The following PPP1R12A variants were observed in gnomAD, a reference collection of about 807,000 sequenced individuals.
PPP1R12A encodes the protein protein phosphatase 1 regulatory subunit 12A, also known as myosin binding subunit.
A neutral mutation model predicts 139.6 loss-of-function variants in PPP1R12A; 19 were observed. The ratio of observed to expected loss-of-function variants is 0.14; its 90% CI spans 0.09 to 0.20. The LOEUF (loss-of-function observed/expected upper bound fraction) is 0.20. PPP1R12A is among the 10% of genes least tolerant of loss of function. The probability of loss-of-function intolerance (pLI) is 1.00; values close to 1 mark genes in which losing one functional copy is unlikely to be tolerated. For synonymous variants in PPP1R12A, 427 were observed against 420.6 expected (o/e 1.02, Z -0.19); for missense variants, 925 against 1,211.5 (o/e 0.76, Z 3.51).
intron 3 of PPP1R12A, among the ~76,000 whole-genome samples, chr12:79,834,749 T>A (rs896848858): frequency 6.6e-6 from 1 of 152,198 alleles, no homozygotes; most frequent in Admixed American, 6.5e-5. Flanking sequence ...AATAAAATAA[T>A]ATGCCATGGG....
intron 1 of PPP1R12A, among the ~76,000 whole-genome samples, chr12:79,912,720 A>C (rs74523980): frequency 6.6e-6 from 1 of 152,028 alleles, no homozygotes; most frequent in Admixed American, 6.6e-5. Context: ...AAGAAATAAA[A>C]TTAATGAATC....
At chr12:79,777,320 T>G (rs1869856772) in intron 24 of PPP1R12A, 2 of 981,098 alleles carry the variant, frequency 2.0e-6, no homozygotes, top group Non-Finnish European at 2.4e-6. Context: ...AAATCATCCC[T>G]AATTTTAATG....
chr12:79,794,228 G>A (rs779203082), intron 18 of PPP1R12A, among the ~76,000 whole-genome samples: 6 of 151,784 alleles, frequency 4.0e-5, no homozygotes, highest in Admixed American at 1.3e-4. Context: ...ACTATTTTCC[G>A]ATTTCCCCAT....
At chr12:79,804,907 A>G (rs1211875653) in intron 14 of PPP1R12A, among the ~76,000 whole-genome samples, 2 of 152,212 alleles carry the variant, frequency 1.3e-5, no homozygotes, top group African/African-American at 2.4e-5. Flanking sequence ...AAAGCAAGGA[A>G]ATCCCAAAAG....
chr12:79,822,259 C>A, intron 5 of PPP1R12A, 69 bp from the exon 6 acceptor site: 1 of 1,102,874 alleles, frequency 9.1e-7, no homozygotes, highest in Non-Finnish European at 1.3e-6. Context: ...TTCAGTAATT[C>A]TGTATAATTT....
intron 3 of PPP1R12A, among the ~76,000 whole-genome samples, chr12:79,836,445 T>TA (rs1302805146): frequency 2.6e-5 from 4 of 151,874 alleles, no homozygotes; most frequent in Non-Finnish European, 5.9e-5. Context: ...AACTTCAAGT[T>TA]AAAAAAAACC....
At chr12:79,799,380 C>T (rs1008574084) in intron 14 of PPP1R12A, among the ~76,000 whole-genome samples, 1 of 152,106 alleles carries the variant, frequency 6.6e-6, no homozygotes, top group African/African-American at 2.4e-5. Flanking sequence ...GAACTCCTGA[C>T]CTCAAGTGAT....
rs1875547379 is a variant in PPP1R12A, at chr12:79,817,446, G to A, written c.1187C>T (p.Thr396Ile). 6.2e-7 allele frequency: 1 copy of A among 1,611,136 alleles called. No individual in the cohort carries two copies. The highest frequency in any genetic ancestry group is 8.5e-7 in the Non-Finnish European group (1 of 1,178,224). ...TTGACCTGATGACACAGTAGGTGTT[G>A]TAACAGCTACAGGAGCTGCTTGTGT... ...SSTQAAPVAV[T>I]TPTVSSGQAT... Residue 396 changes from threonine to isoleucine, a missense_variant, in exon 9 of 25, where the codon ACA (threonine) becomes ATA (isoleucine). Thr to Ile is a moderately conservative substitution (Grantham distance 89). Around this residue, in one of 4 missense-constraint regions of PPP1R12A, gnomAD observed 403 missense variants for 463.7 expected, o/e 0.87. Transcript: ENST00000450142.
At chr12:79,852,886 T>G (rs748972375) in intron 2 of PPP1R12A, among the ~76,000 whole-genome samples, 22 of 152,222 alleles carry the variant, frequency 1.4e-4, no homozygotes, top group Non-Finnish European at 1.5e-5. Flanking sequence ...CCAATAGGAC[T>G]CCTCTGATGC....
chr12:79,861,166 T>C (rs1291712459), intron 2 of PPP1R12A, among the ~76,000 whole-genome samples: 1 of 152,170 alleles, frequency 6.6e-6, no homozygotes, highest in African/African-American at 2.4e-5. Context: ...TGGAAAATCT[T>C]GCAATACCAA....
chr12:79,913,608 C>G lies in PPP1R12A; in HGVS notation c.237+21087G>C, dbSNP rs79187501. On this transcript the variant is annotated intron_variant, in intron 1 of 24. Coordinates refer to ENST00000450142, the MANE Select transcript of PPP1R12A (RefSeq NM_002480.3). ...TATAAGTCTTAATGTCCATCAGAGTCGGTCAGTCCTCTCACTTTCTTGTTC... is the reference window on the plus strand; with the variant it reads ...TATAAGTCTTAATGTCCATCAGAGTGGGTCAGTCCTCTCACTTTCTTGTTC... Among the ~76,000 whole-genome samples, 1,424 of 152,276 alleles carry G rather than the reference C, an allele frequency of 9.4e-3. 16 individuals carry two copies. Among genetic ancestry groups the G allele is most frequent in the Non-Finnish European group, 0.017 (1,147 of 68,004 alleles).
At chr12:79,831,884 G>C (rs536022901) in intron 4 of PPP1R12A, among the ~76,000 whole-genome samples, 2 of 152,132 alleles carry the variant, frequency 1.3e-5, no homozygotes, top group African/African-American at 2.4e-5. Flanking sequence ...CTAAGTTCCA[G>C]TGTTCATGTA....
intron 4 of PPP1R12A, among the ~76,000 whole-genome samples, chr12:79,831,053 T>A (rs1877354939): frequency 1.3e-5 from 2 of 152,166 alleles, no homozygotes; most frequent in Admixed American, 1.3e-4. Flanking sequence ...GAAACTATTT[T>A]GCAATATAAC....
chr12:79,869,266 C>T (rs1328180318), intron 2 of PPP1R12A, among the ~76,000 whole-genome samples: 1 of 152,166 alleles, frequency 6.6e-6, no homozygotes, highest in African/African-American at 2.4e-5. Flanking sequence ...TGTTAAATGC[C>T]TAGAAATGAT....
At position 79,922,282 on chromosome 12, in the gene PPP1R12A, A is replaced by G. The variant is rs1887498782; in HGVS notation, c.237+12413T>C. Reference sequence around the variant, plus strand: ...ATCTCAAAACAAAACAAAAAAAACAATAAATAAAACAAAAATCTGCCTGTG... The same window carrying G: ...ATCTCAAAACAAAACAAAAAAAACAGTAAATAAAACAAAAATCTGCCTGTG... On this transcript the variant is annotated intron_variant, in intron 1 of 24. Coordinates refer to ENST00000450142, the MANE Select transcript of PPP1R12A (RefSeq NM_002480.3). Among the ~76,000 whole-genome samples the G allele has an allele frequency of 2.0e-5, 3 of 152,178 alleles. No homozygotes were observed. The South Asian group carries it at 6.2e-4, about 31-fold the overall frequency.
chr12:79,853,089 T>C (rs1263863718), intron 2 of PPP1R12A, among the ~76,000 whole-genome samples: 1 of 152,224 alleles, frequency 6.6e-6, no homozygotes, highest in Non-Finnish European at 1.5e-5. Flanking sequence ...GGGTGCCTCA[T>C]AACAGCTTGG....
chr12:79,933,076 C>T (rs386471444), intron 1 of PPP1R12A, among the ~76,000 whole-genome samples: 87 of 152,214 alleles, frequency 5.7e-4, no homozygotes, highest in Non-Finnish European at 1.1e-3. Context: ...TTCTCAACAC[C>T]ATGGTTTTAA....
chr12:79,852,830 G>A (rs150986047), intron 2 of PPP1R12A, among the ~76,000 whole-genome samples: 89 of 152,306 alleles, frequency 5.8e-4, no homozygotes, highest in African/African-American at 2.0e-3. Flanking sequence ...TGCATAGGTA[G>A]AGAAAGGCTT....
At chr12:79,806,683 AT>A in intron 12 of PPP1R12A, 1 of 187,776 alleles carries the variant, frequency 5.3e-6, no homozygotes, top group Non-Finnish European at 1.1e-5. Flanking sequence ...AGACGTTGAC[AT>A]TTTTTTGAAG....
Sources: gnomAD v4.1 joint callset for allele counts (sites outside exome capture counted in the v4.1 genomes callset) on GRCh38, gnomAD v4.1.1 for gene constraint, gnomAD v4.1.1 regional missense constraint, MANE v1.5 for transcripts, NCBI Gene and HGNC (gene_info 2026-07-23, HGNC 2026-07-21) for gene names.